Variants in OR5D3 observed in about 807,000 individuals in gnomAD.
The protein encoded by OR5D3 is olfactory receptor 5D3.
At chr11:55,726,485 T>C in the OR5D3 span, 40,245 of 448,266 alleles carry the variant, frequency 0.09, 2,098 homozygotes, top group African/African-American at 0.16. Context: ...GAAGACAGAA[T>C]CATCTCCTTC....
chr11:55,726,820 G>T, the OR5D3 span: 6 of 398,834 alleles, frequency 1.5e-5, no homozygotes, highest in Non-Finnish European at 2.7e-5. Flanking sequence ...TTTAGTTTCT[G>T]CAACATTCAA....
the OR5D3 span, chr11:55,723,914 G>A: frequency 2.5e-6 from 1 of 392,958 alleles, no homozygotes; most frequent in Non-Finnish European, 4.5e-6. Flanking sequence ...AATCTTCAAG[G>A]AAATATACTC....
chr11:55,726,320 C>T, the OR5D3 span: 74 of 447,658 alleles, frequency 1.7e-4, no homozygotes, highest in Middle Eastern at 9.3e-4. Context: ...ACCATCTACA[C>T]AATCACTGTG....
chr11:55,729,192 C>T, the OR5D3 span: 1 of 151,844 alleles, frequency 6.6e-6, no homozygotes, highest in African/African-American at 2.4e-5. Flanking sequence ...CCCCCAAATT[C>T]TCAAATTATA....
At chr11:55,728,319 C>G in the OR5D3 span, 1 of 152,016 alleles carries the variant, frequency 6.6e-6, no homozygotes, top group East Asian at 1.9e-4. Context: ...TGTAGAACTG[C>G]AAGATTACAA....
At chr11:55,725,978 GT>G in the OR5D3 span, among the ~76,000 whole-genome samples, 1 of 152,000 alleles carries the variant, frequency 6.6e-6, no homozygotes, top group Non-Finnish European at 1.5e-5. Context: ...ACCCTGTTTT[GT>G]TTTTCCTGTC....
the OR5D3 span, among the ~76,000 whole-genome samples, chr11:55,724,297 TAAA>T: frequency 6.6e-6 from 1 of 151,970 alleles, no homozygotes; most frequent in Non-Finnish European, 1.5e-5. Context: ...CTTTGGCAGA[TAAA>T]GAAGAATAAA....
At chr11:55,728,873 CTGTG>C in the OR5D3 span, 1 of 151,760 alleles carries the variant, frequency 6.6e-6, no homozygotes, top group Non-Finnish European at 1.5e-5. Context: ...ATTTTTAAAG[CTGTG>C]TGTATGTGTG....
the OR5D3 span, chr11:55,728,679 C>A: frequency 6.6e-6 from 1 of 152,024 alleles, no homozygotes; most frequent in East Asian, 1.9e-4. Context: ...ATCTTTATTT[C>A]CAAATAAAAA....
the OR5D3 span, among the ~76,000 whole-genome samples, chr11:55,724,651 C>T: frequency 6.6e-6 from 1 of 152,032 alleles, no homozygotes; most frequent in Admixed American, 6.5e-5. Flanking sequence ...ATCCAGTCTG[C>T]ACAATGCAGT....
At chr11:55,728,570 C>T in the OR5D3 span, 9 of 152,106 alleles carry the variant, frequency 5.9e-5, no homozygotes, top group South Asian at 1.9e-3. Flanking sequence ...TGTGTCTTGC[C>T]AGTCATGATT....
the OR5D3 span, chr11:55,726,244 A>G: frequency 2.5e-6 from 1 of 401,772 alleles, no homozygotes. Context: ...TGCTGGAGTC[A>G]CCTTCATCCT....
At chr11:55,728,342 G>A in the OR5D3 span, 1 of 152,028 alleles carries the variant, frequency 6.6e-6, no homozygotes, top group Non-Finnish European at 1.5e-5. Flanking sequence ...CAAGAGTGAT[G>A]GGTACAGGGA....
the OR5D3 span, among the ~76,000 whole-genome samples, chr11:55,725,993 A>T: frequency 6.6e-6 from 1 of 151,942 alleles, no homozygotes; most frequent in African/African-American, 2.4e-5. Flanking sequence ...TCCTGTCTTA[A>T]TTTTGTTTTT....
the OR5D3 span, chr11:55,728,080 G>C: frequency 6.6e-6 from 1 of 152,050 alleles, no homozygotes; most frequent in Non-Finnish European, 1.5e-5. Flanking sequence ...TGGGTGTCAA[G>C]AATGGGGTAA....
At chr11:55,728,708 T>G in the OR5D3 span, 1 of 152,102 alleles carries the variant, frequency 6.6e-6, no homozygotes, top group Non-Finnish European at 1.5e-5. Flanking sequence ...CTTTTTACCT[T>G]AATGCTTTAC....
the OR5D3 span, chr11:55,728,536 G>A: frequency 6.6e-6 from 1 of 152,032 alleles, no homozygotes. Flanking sequence ...TTGAGATTAA[G>A]TATAAGAACT....
chr11:55,728,459 C>T, the OR5D3 span: 1 of 152,096 alleles, frequency 6.6e-6, no homozygotes, highest in African/African-American at 2.4e-5. Flanking sequence ...TAACCCATGG[C>T]TCTAATTGGT....
At chr11:55,726,536 T>C in the OR5D3 span, 1 of 418,196 alleles carries the variant, frequency 2.4e-6, no homozygotes, top group Non-Finnish European at 4.3e-6. Flanking sequence ...TGTATATTTG[T>C]GGTGACAGAA....
Sources: allele counts gnomAD v4.1 joint callset (sites outside exome capture counted in the v4.1 genomes callset), GRCh38; gene constraint gnomAD v4.1.1; transcripts MANE v1.5; gene names NCBI Gene and HGNC (gene_info 2026-07-23, HGNC 2026-07-21).